OPCML: variants seen among roughly 807,000 people sequenced by gnomAD.
OPCML encodes opioid-binding protein/cell adhesion molecule.
OPCML carries 13 observed loss-of-function variants against 37.8 expected under a neutral mutation model. The ratio of observed to expected loss-of-function variants is 0.34; its 90% CI spans 0.22 to 0.55. The LOEUF is 0.55. Among genes scored for constraint, OPCML ranks in the 20% least tolerant of loss-of-function variants. The pLI, the probability that OPCML is intolerant of heterozygous loss-of-function variation, is 0.91. For synonymous variants in OPCML, 176 were observed against 168.8 expected, an observed-to-expected ratio of 1.04 and a Z score of -0.33; for missense variants, 341 against 435.6, an observed-to-expected ratio of 0.78 and a Z score of 1.93.
intron 1 of OPCML, among the ~76,000 whole-genome samples, chr11:133,139,486 T>C (rs1370880611): frequency 6.6e-6 from 1 of 152,236 alleles, no homozygotes; most frequent in Admixed American, 6.5e-5. Context: ...CCAATCTGCC[T>C]GCCTTCAGAT....
chr11:133,321,034 A>G (rs773011472), intron 1 of OPCML, among the ~76,000 whole-genome samples: 17 of 152,166 alleles, frequency 1.1e-4, no homozygotes, highest in Non-Finnish European at 1.6e-4. Flanking sequence ...GGAGACTTTA[A>G]CAACCCCTCA....
intron 2 of OPCML, among the ~76,000 whole-genome samples, chr11:132,785,537 ACAAT>A (rs1408584986): frequency 3.3e-5 from 5 of 152,230 alleles, no homozygotes; most frequent in Non-Finnish European, 7.3e-5. Flanking sequence ...ATAAACAATG[ACAAT>A]CAAAACCAGA....
chr11:132,637,292 C>T (rs547317301), intron 3 of OPCML, among the ~76,000 whole-genome samples: 1 of 152,184 alleles, frequency 6.6e-6, no homozygotes, highest in South Asian at 2.1e-4. Flanking sequence ...ATCGGACCTT[C>T]TTAAGCTTCA....
chr11:132,773,879 C>T (rs1946724521), intron 2 of OPCML, among the ~76,000 whole-genome samples: 1 of 152,176 alleles, frequency 6.6e-6, no homozygotes, highest in Non-Finnish European at 1.5e-5. Context: ...TTAGAAACAA[C>T]TCTATCAATC....
chr11:132,561,495 G>C (rs187421161), intron 3 of OPCML, among the ~76,000 whole-genome samples: 1 of 152,174 alleles, frequency 6.6e-6, no homozygotes, highest in Non-Finnish European at 1.5e-5. Flanking sequence ...CTCAGTGTGG[G>C]CTCCTTGACG....
chr11:133,116,807 T>C (rs935530993), intron 1 of OPCML, among the ~76,000 whole-genome samples: 6 of 150,562 alleles, frequency 4.0e-5, no homozygotes, highest in Non-Finnish European at 2.9e-5. Context: ...AAACTATACA[T>C]ATATATATAT....
At chr11:132,556,027 C>G (rs906366718) in intron 3 of OPCML, among the ~76,000 whole-genome samples, 17 of 152,092 alleles carry the variant, frequency 1.1e-4, no homozygotes, top group Non-Finnish European at 2.4e-4. Flanking sequence ...CAGCCTCGAC[C>G]TCCTGGGCTC....
At chr11:133,217,176 C>T (rs905063759) in intron 1 of OPCML, among the ~76,000 whole-genome samples, 1 of 152,182 alleles carries the variant, frequency 6.6e-6, no homozygotes, top group Admixed American at 6.5e-5. Context: ...ACTAGACCCC[C>T]CATCTCTCTT....
chr11:132,427,867 T>C (rs956330634), intron 7 of OPCML, among the ~76,000 whole-genome samples: 4 of 152,198 alleles, frequency 2.6e-5, no homozygotes, highest in Admixed American at 2.6e-4. Flanking sequence ...ATGGGAAATG[T>C]CTGCAGTTTT....
At chr11:132,446,652 C>G (rs1376941913) in intron 4 of OPCML, among the ~76,000 whole-genome samples, 2 of 151,840 alleles carry the variant, frequency 1.3e-5, no homozygotes, top group Non-Finnish European at 2.9e-5. Context: ...ACACATTTTC[C>G]CCTTATGATT....
chr11:132,567,179 C>G (rs1184057453), intron 3 of OPCML, among the ~76,000 whole-genome samples: 1 of 152,184 alleles, frequency 6.6e-6, no homozygotes, highest in Non-Finnish European at 1.5e-5. Flanking sequence ...TCACTGAATA[C>G]TTCTTTTTCT....
chr11:132,804,167 A>T (rs181294877), intron 2 of OPCML, among the ~76,000 whole-genome samples: 1 of 152,284 alleles, frequency 6.6e-6, no homozygotes, highest in Admixed American at 6.5e-5. Flanking sequence ...ACCTGGAGAC[A>T]GTTTCCCAAC....
At chr11:132,534,064 T>G (rs923885965) in intron 3 of OPCML, among the ~76,000 whole-genome samples, 2 of 152,160 alleles carry the variant, frequency 1.3e-5, no homozygotes, top group Non-Finnish European at 2.9e-5. Flanking sequence ...ATGTGTCAAG[T>G]GTTTCCCATC....
chr11:132,998,084 G>GC lies in OPCML; in HGVS notation c.62-55075dup, dbSNP rs1369383562. Reference sequence around the variant, plus strand: ...TGATTGGAATGTCCTGCGGCTGCCTGCCCATCCTTCAAGGTGCAGTTAAAA... The same window carrying GC: ...TGATTGGAATGTCCTGCGGCTGCCTGCCCCATCCTTCAAGGTGCAGTTAAAA... On this transcript the variant is annotated intron_variant, in intron 1 of 7. Transcript: ENST00000524381. Among the ~76,000 whole-genome samples the GC allele has an allele frequency of 2.0e-5, 3 of 152,252 alleles. No individual in the cohort carries two copies. In the East Asian group the frequency reaches 5.8e-4, roughly 29 times the overall value.
rs182326992 is a variant in OPCML at position 133,102,822 on chromosome 11, A to G, written c.62-159812T>C. On this transcript the variant is annotated intron_variant, in intron 1 of 7. Transcript: ENST00000524381. ...AACTATGCCAAATTTGATTTTGACT[A>G]TTCAAAATTGTATGTCTGTGTTGAT... Among the ~76,000 whole-genome samples, 113 of 152,302 alleles carry G rather than the reference A, an allele frequency of 7.4e-4. 1 individual carries two copies. Among genetic ancestry groups the G allele is most frequent in the Non-Finnish European group, 1.5e-4 (10 of 68,010 alleles).
At chr11:132,832,501 T>A (rs559439759) in intron 2 of OPCML, among the ~76,000 whole-genome samples, 61 of 152,218 alleles carry the variant, frequency 4.0e-4, no homozygotes, top group Non-Finnish European at 8.1e-4. Context: ...ATGTGCAACT[T>A]ACATGCACAC....
At chr11:133,038,127 G>C (rs143242046) in intron 1 of OPCML, among the ~76,000 whole-genome samples, 9 of 152,234 alleles carry the variant, frequency 5.9e-5, no homozygotes, top group Admixed American at 2.6e-4. Flanking sequence ...TGCCTGCAAG[G>C]CTGGATGCCT....
chr11:132,625,295 C>T (rs1241670623), intron 3 of OPCML, among the ~76,000 whole-genome samples: 1 of 152,104 alleles, frequency 6.6e-6, no homozygotes. Flanking sequence ...AGAAAAGGAG[C>T]ACCAATGTAG....
intron 1 of OPCML, among the ~76,000 whole-genome samples, chr11:133,432,835 C>T (rs529168967): frequency 6.6e-6 from 1 of 152,124 alleles, no homozygotes; most frequent in African/African-American, 2.4e-5. Flanking sequence ...CACAGCTGTT[C>T]GTTATATACC....
Sources: allele counts gnomAD v4.1 joint callset (sites outside exome capture counted in the v4.1 genomes callset), GRCh38; gene constraint gnomAD v4.1.1; transcripts MANE v1.5; gene names NCBI Gene and HGNC (gene_info 2026-07-23, HGNC 2026-07-21).